Variants in TPD52L1 observed in about 807,000 individuals in gnomAD.
TPD52L1 encodes the protein tumor protein D53.
A neutral mutation model predicts 28.7 loss-of-function variants in TPD52L1; 18 were observed. That is an observed-to-expected ratio of 0.63 (90% CI 0.43 to 0.93). The LOEUF (loss-of-function observed/expected upper bound fraction) is 0.93, where lower values mean the gene tolerates loss of function less well. TPD52L1 is among the 40% of genes least tolerant of loss of function. The pLI, the probability that TPD52L1 is intolerant of heterozygous loss-of-function variation, is 0.00. For missense variants in TPD52L1, 203 were observed against 254.8 expected, an observed-to-expected ratio of 0.80 and a Z score of 1.39; for synonymous variants, 75 against 88.8, an observed-to-expected ratio of 0.84 and a Z score of 0.88.
chr6:125,253,428 C>T, intron 4 of TPD52L1: 1 of 444,388 alleles, frequency 2.3e-6, no homozygotes, highest in East Asian at 4.1e-5. Flanking sequence ...GGCTACTGGG[C>T]TCACCTGGGA....
chr6:125,168,249 T>A (rs1348287468), intron 1 of TPD52L1, among the ~76,000 whole-genome samples: 1 of 152,178 alleles, frequency 6.6e-6, no homozygotes, highest in Non-Finnish European at 1.5e-5. Flanking sequence ...TATTGTGACA[T>A]CTGGCCTCAG....
intron 2 of TPD52L1, among the ~76,000 whole-genome samples, chr6:125,220,450 A>G (rs1245416219): frequency 1.3e-5 from 2 of 152,226 alleles, no homozygotes; most frequent in African/African-American, 4.8e-5. Context: ...TTAAATATAC[A>G]CTTCTTATTC....
chr6:125,162,343 C>A (rs928955238), intron 1 of TPD52L1, among the ~76,000 whole-genome samples: 3 of 152,044 alleles, frequency 2.0e-5, no homozygotes, highest in Non-Finnish European at 2.9e-5. Flanking sequence ...AATTGCCTTC[C>A]CTGTTATACA....
intron 3 of TPD52L1, among the ~76,000 whole-genome samples, chr6:125,236,402 G>C (rs935815329): frequency 6.6e-6 from 1 of 152,088 alleles, no homozygotes; most frequent in African/African-American, 2.4e-5. Context: ...AAAACACAAT[G>C]TAGCTATCAC....
chr6:125,263,995 T>G lies in TPD52L1; in HGVS notation c.*1033T>G, dbSNP rs981102301. 7 of 152,158 alleles carry G rather than the reference T, an allele frequency of 4.6e-5. No homozygotes were observed. The highest frequency in any genetic ancestry group is 1.7e-4 in the African/African-American group (7 of 41,432). The allele number at this position is 152,158 out of a possible 1,614,324, so 9.4% of individuals were successfully genotyped here. A position where few individuals can be genotyped will look rare whatever the true frequency, so the allele number is the denominator to read the frequency against. On this transcript the variant is annotated 3_prime_UTR_variant, in exon 7 of 7. Coordinates refer to ENST00000534000, the MANE Select transcript of TPD52L1 (RefSeq NM_003287.4). ...AAAATTCTCTCCAATCTACATACAGTAGTAGTTAGTCAGATAAAGGATATC... is the reference window on the plus strand; with the variant it reads ...AAAATTCTCTCCAATCTACATACAGGAGTAGTTAGTCAGATAAAGGATATC...
At chr6:125,182,908 G>A (rs557696196) in intron 1 of TPD52L1, among the ~76,000 whole-genome samples, 1 of 152,246 alleles carries the variant, frequency 6.6e-6, no homozygotes, top group Admixed American at 6.5e-5. Flanking sequence ...ACACATAGAT[G>A]GTGGGGATTA....
chr6:125,244,237 A>T (rs887831873), intron 3 of TPD52L1, among the ~76,000 whole-genome samples: 21 of 152,082 alleles, frequency 1.4e-4, no homozygotes, highest in African/African-American at 4.8e-4. Context: ...TTATTTATTT[A>T]TTTAACTTTT....
intron 6 of TPD52L1, among the ~76,000 whole-genome samples, chr6:125,258,305 C>T (rs759341829): frequency 2.0e-5 from 3 of 152,150 alleles, no homozygotes; most frequent in Admixed American, 6.5e-5. Flanking sequence ...GCAGTTTCAC[C>T]GCTCTGCATG....
At position 125,250,757 on chromosome 6, in the gene TPD52L1, G is replaced by A. The variant is rs192609098; in HGVS notation, c.386+2374G>A. 2.0e-5 allele frequency among the ~76,000 whole-genome samples: 3 copies of A among 152,260 alleles called. No homozygotes were observed. In the East Asian group the frequency reaches 5.8e-4, roughly 29 times the overall value. ...CTGCCTTTCCTCCCGTTTCAATGTG[G>A]CTTTGTCTAGTATAGTGGATGGCCT... On this transcript the variant is annotated intron_variant, in intron 4 of 6. Transcript: ENST00000534000.
chr6:125,172,156 CTTTTCTTTCTTTCTTT>C (rs1791420619), intron 1 of TPD52L1, among the ~76,000 whole-genome samples: 1 of 40,186 alleles, frequency 2.5e-5, no homozygotes, highest in Non-Finnish European at 4.7e-5. Context: ...TTCTTTCTTT[CTTTTCTTTCTTTCTTT>C]CTTTCTTTCT....
chr6:125,230,303 G>A (rs1040735922), intron 3 of TPD52L1, among the ~76,000 whole-genome samples: 6 of 152,136 alleles, frequency 3.9e-5, no homozygotes, highest in South Asian at 2.1e-4. Context: ...CTCCACATAT[G>A]TGATGTGATT....
chr6:125,223,708 C>CAAAAAAAAAA (rs11294390), intron 2 of TPD52L1, among the ~76,000 whole-genome samples: 1 of 71,486 alleles, frequency 1.4e-5, no homozygotes, highest in African/African-American at 4.5e-5. Context: ...GATTCCATCT[C>CAAAAAAAAAA]AAAAAAAAAA....
chr6:125,202,007 C>T (rs1793824975), intron 1 of TPD52L1, among the ~76,000 whole-genome samples: 1 of 152,164 alleles, frequency 6.6e-6, no homozygotes, highest in African/African-American at 2.4e-5. Flanking sequence ...AAAGGGAAGA[C>T]TGTCTATACG....
chr6:125,256,381 G>T (rs1472151380), intron 5 of TPD52L1, among the ~76,000 whole-genome samples: 3 of 152,068 alleles, frequency 2.0e-5, no homozygotes, highest in Non-Finnish European at 2.9e-5. Flanking sequence ...GGCTGCAAAG[G>T]TTCTATTTGG....
At chr6:125,177,763 C>T (rs9372808) in intron 1 of TPD52L1, among the ~76,000 whole-genome samples, 31,766 of 152,032 alleles carry the variant, frequency 0.21, 4,215 homozygotes, top group Admixed American at 0.36. Flanking sequence ...AAGTGTTATA[C>T]TATTTATAAA....
chr6:125,209,689 G>A (rs1562288423), intron 1 of TPD52L1, among the ~76,000 whole-genome samples: 1 of 152,176 alleles, frequency 6.6e-6, no homozygotes, highest in Non-Finnish European at 1.5e-5. Flanking sequence ...TGTGTGGCCT[G>A]TTCACTAGTG....
chr6:125,260,812 A>G (rs1270754615), intron 6 of TPD52L1, among the ~76,000 whole-genome samples: 4 of 146,822 alleles, frequency 2.7e-5, no homozygotes, highest in Non-Finnish European at 6.0e-5. Flanking sequence ...TCTCAAAAAA[A>G]GAAAGAAAGA....
At chr6:125,203,581 T>C (rs1793930601) in intron 1 of TPD52L1, 9 of 975,462 alleles carry the variant, frequency 9.2e-6, no homozygotes, top group Middle Eastern at 5.2e-4. Context: ...AGTAGAGCTG[T>C]TGTTTGTCTG....
intron 1 of TPD52L1, among the ~76,000 whole-genome samples, chr6:125,210,958 T>C (rs1794452013): frequency 6.6e-6 from 1 of 152,198 alleles, no homozygotes; most frequent in Admixed American, 6.5e-5. Context: ...CCAATATCAC[T>C]ATACTATCTT....
Sources: gnomAD v4.1 joint callset for allele counts (sites outside exome capture counted in the v4.1 genomes callset) on GRCh38, gnomAD v4.1.1 for gene constraint, MANE v1.5 for transcripts, NCBI Gene and HGNC (gene_info 2026-07-23, HGNC 2026-07-21) for gene names.